The following SLC9A9 variants were observed in gnomAD, a reference collection of about 807,000 sequenced individuals.
The protein encoded by SLC9A9 is solute carrier family 9 member A9.
Under a neutral mutation model 77.8 loss-of-function variants are expected in SLC9A9, and 62 were observed. The ratio of observed to expected loss-of-function variants is 0.80; its 90% confidence interval spans 0.65 to 0.98. SLC9A9 has a LOEUF of 0.98. Ranked by LOEUF, SLC9A9 falls within the 50% of genes least tolerant of loss-of-function variation. The pLI is 0.00. For missense variants in SLC9A9, 775 were observed against 774.9 expected (o/e 1.00, Z 0.00); for synonymous variants, 320 against 283.5 (o/e 1.13, Z -1.29).
intron 2 of SLC9A9, among the ~76,000 whole-genome samples, chr3:143,820,698 C>T (rs1019377266): frequency 1.1e-4 from 16 of 152,170 alleles, no homozygotes; most frequent in Admixed American, 5.2e-4. Flanking sequence ...CCTGGTCCTG[C>T]GTCTCACCAA....
At chr3:143,683,126 G>A (rs1933155571) in intron 5 of SLC9A9, among the ~76,000 whole-genome samples, 1 of 152,034 alleles carries the variant, frequency 6.6e-6, no homozygotes, top group Non-Finnish European at 1.5e-5. Context: ...TTTATTTATG[G>A]GTGCATTATT....
intron 4 of SLC9A9, among the ~76,000 whole-genome samples, chr3:143,717,444 C>A (rs76931629): frequency 0.034 from 5,236 of 152,216 alleles, 293 homozygotes; most frequent in African/African-American, 0.12. Context: ...TGTTAGAATT[C>A]GTGGCTGACA....
chr3:143,297,141 T>A (rs531521846), intron 14 of SLC9A9, among the ~76,000 whole-genome samples: 2 of 152,126 alleles, frequency 1.3e-5, no homozygotes, highest in South Asian at 4.1e-4. Flanking sequence ...TTCCTAGGAG[T>A]TTTACAGTTT....
intron 4 of SLC9A9, among the ~76,000 whole-genome samples, chr3:143,773,708 T>C (rs2108841858): frequency 6.6e-6 from 1 of 152,294 alleles, no homozygotes; most frequent in East Asian, 1.9e-4. Flanking sequence ...GGTCTCGAAC[T>C]CCTGACTTCA....
In SLC9A9 at chr3:143,268,961, T is replaced by A. The variant is rs1404797905; in HGVS notation, c.1624A>T (p.Thr542Ser). The change falls in exon 15 of 16, where the codon ACC (threonine) becomes TCC (serine). Residue 542 changes from threonine (T) to serine (S), a missense_variant. Thr to Ser is a moderately conservative substitution (Grantham distance 58). Transcript: ENST00000316549. The stretch of plus-strand genomic sequence containing the variant: ...GTAGTCAGCGGAGGACCAGAGTGGG[T>A]TAAAATTGGTTTCAGATACCTGGGA... ...FDHKYLKPILTHSGPPLTTTL... is the reference protein window; with the variant it reads ...FDHKYLKPILSHSGPPLTTTL... 6.2e-7 allele frequency: 1 copy of A among 1,613,162 alleles called. No individual in the cohort carries two copies. The highest frequency in any genetic ancestry group is 1.7e-5 in the Admixed American group (1 of 59,960).
intron 7 of SLC9A9, among the ~76,000 whole-genome samples, chr3:143,576,599 A>G (rs2037363533): frequency 6.6e-6 from 1 of 152,194 alleles, no homozygotes; most frequent in African/African-American, 2.4e-5. Flanking sequence ...CACAGCTCCA[A>G]CTAAGAATTA....
chr3:143,778,890 T>G (rs991373445), intron 4 of SLC9A9, among the ~76,000 whole-genome samples: 1 of 152,224 alleles, frequency 6.6e-6, no homozygotes, highest in African/African-American at 2.4e-5. Flanking sequence ...GCTGGTTGAC[T>G]TGCATGCTCT....
At chr3:143,330,769 A>G (rs1011177455) in intron 14 of SLC9A9, among the ~76,000 whole-genome samples, 4 of 152,262 alleles carry the variant, frequency 2.6e-5, no homozygotes, top group African/African-American at 9.6e-5. Context: ...AACCTGATAT[A>G]TTATCATTTG....
At chr3:143,605,702 A>G (rs2108691256) in intron 6 of SLC9A9, among the ~76,000 whole-genome samples, 1 of 152,344 alleles carries the variant, frequency 6.6e-6, no homozygotes, top group Admixed American at 6.5e-5. Context: ...ATATTGAAGG[A>G]ATTGTACAGA....
chr3:143,829,807 G>A (rs1490385544), intron 2 of SLC9A9, among the ~76,000 whole-genome samples: 2 of 152,266 alleles, frequency 1.3e-5, no homozygotes, highest in East Asian at 3.9e-4. Context: ...AGTAGTGGTG[G>A]TAGTAACAAT....
chr3:143,546,179 T>G (rs1331383086), intron 9 of SLC9A9, among the ~76,000 whole-genome samples: 1 of 152,230 alleles, frequency 6.6e-6, no homozygotes, highest in African/African-American at 2.4e-5. Context: ...ATTTGAATTT[T>G]CAGAGTCATG....
At chr3:143,490,890 C>T (rs2035732644) in intron 11 of SLC9A9, among the ~76,000 whole-genome samples, 1 of 152,046 alleles carries the variant, frequency 6.6e-6, no homozygotes, top group Non-Finnish European at 1.5e-5. Flanking sequence ...GTGAAAAATC[C>T]AATGTTCTTT....
At chr3:143,400,738 A>G (rs991915070) in intron 12 of SLC9A9, among the ~76,000 whole-genome samples, 14 of 135,738 alleles carry the variant, frequency 1.0e-4, no homozygotes, top group African/African-American at 2.6e-4. Context: ...AAAAAAAAAA[A>G]GGTAATTCAT....
intron 12 of SLC9A9, among the ~76,000 whole-genome samples, chr3:143,422,316 C>G (rs1317456441): frequency 6.6e-6 from 1 of 152,172 alleles, no homozygotes; most frequent in African/African-American, 2.4e-5. Flanking sequence ...CATCGCAGCA[C>G]TATTCACAAG....
At chr3:143,806,185 G>T (rs538167852) in intron 2 of SLC9A9, among the ~76,000 whole-genome samples, 1 of 151,486 alleles carries the variant, frequency 6.6e-6, no homozygotes, top group East Asian at 1.9e-4. Flanking sequence ...AAATGTATGG[G>T]TTTCACAACT....
intron 14 of SLC9A9, among the ~76,000 whole-genome samples, chr3:143,341,695 T>C (rs1411335133): frequency 6.6e-6 from 1 of 152,176 alleles, no homozygotes; most frequent in Non-Finnish European, 1.5e-5. Flanking sequence ...GACTCCGATA[T>C]GCAAATACAG....
chr3:143,621,476 G>A (rs1056918455), intron 6 of SLC9A9, among the ~76,000 whole-genome samples: 39 of 152,194 alleles, frequency 2.6e-4, no homozygotes, highest in Non-Finnish European at 4.4e-4. Context: ...CTGTTCTGCA[G>A]CCTCCGCTGC....
chr3:143,484,203 T>A (rs1054579390), intron 11 of SLC9A9, among the ~76,000 whole-genome samples: 1 of 152,200 alleles, frequency 6.6e-6, no homozygotes, highest in Admixed American at 6.5e-5. Flanking sequence ...CTAGTCATAA[T>A]TAAGAAACAT....
At chr3:143,535,462 T>G (rs1430462119) in intron 9 of SLC9A9, among the ~76,000 whole-genome samples, 1 of 152,246 alleles carries the variant, frequency 6.6e-6, no homozygotes, top group African/African-American at 2.4e-5. Flanking sequence ...ACTTTCTTTA[T>G]TTTTTGTTTG....
Sources: allele counts gnomAD v4.1 joint callset (sites outside exome capture counted in the v4.1 genomes callset), GRCh38; gene constraint gnomAD v4.1.1; transcripts MANE v1.5; gene names NCBI Gene and HGNC (gene_info 2026-07-23, HGNC 2026-07-21).